Variants in DPYSL2 observed in about 807,000 individuals in gnomAD.
DPYSL2 encodes the protein dihydropyrimidinase-related protein 2.
In DPYSL2, 13 loss-of-function variants were observed where a neutral mutation model predicts 69.9. The ratio of observed to expected loss-of-function variants is 0.19; its 90% CI spans 0.12 to 0.30. The LOEUF (loss-of-function observed/expected upper bound fraction) is 0.30. Ranked by LOEUF, DPYSL2 falls within the 10% of genes least tolerant of loss-of-function variation. The pLI is 1.00. For synonymous variants in DPYSL2, 326 were observed against 359.1 expected, an observed-to-expected ratio of 0.91 and a Z score of 1.04; for missense variants, 587 against 918.9, an observed-to-expected ratio of 0.64 and a Z score of 4.67.
intron 1 of DPYSL2, among the ~76,000 whole-genome samples, chr8:26,573,123 C>T (rs757085200): frequency 6.6e-6 from 1 of 152,344 alleles, no homozygotes; most frequent in Non-Finnish European, 1.5e-5. Context: ...AAAATCTAGG[C>T]AGCTACAGCC....
chr8:26,590,786 G>A (rs1801708660), intron 3 of DPYSL2, among the ~76,000 whole-genome samples: 1 of 152,258 alleles, frequency 6.6e-6, no homozygotes, highest in South Asian at 2.1e-4. Context: ...CGGTACAGGG[G>A]AAGGATGGCG....
In DPYSL2 at chr8:26,593,782, G is replaced by T. The variant is rs562945407; in HGVS notation, c.628+9799G>T. 4.6e-5 allele frequency among the ~76,000 whole-genome samples: 7 copies of T among 152,322 alleles called. No homozygotes were observed. The South Asian group carries it at 1.0e-3, about 23-fold the overall frequency. On this transcript the variant is annotated intron_variant, in intron 3 of 13. Coordinates refer to ENST00000521913, the MANE Select transcript of DPYSL2 (RefSeq NM_001197293.3). The surrounding 1 kb of genome is among the most constrained non-coding windows in gnomAD (Gnocchi z 5.7). ...ACTGGAATGTGGACTGCTGTCCCCA[G>T]CCTGTGGCCACCTGCTGTGCTGGTT...
chr8:26,577,219 G>GCCCGCGCCCATTCCCCGC (rs1250865647), intron 1 of DPYSL2: 1 of 419,442 alleles, frequency 2.4e-6, no homozygotes, highest in African/African-American at 2.2e-5. Flanking sequence ...CCTCCCCCCG[G>GCCCGCGCCCATTCCCCGC]CCCGCGCCCA....
chr8:26,524,671 G>A (rs371763826), intron 1 of DPYSL2, among the ~76,000 whole-genome samples: 9 of 151,772 alleles, frequency 5.9e-5, no homozygotes, highest in South Asian at 2.1e-4. Context: ...GTATGGTGGC[G>A]TGTGCCTGTA....
intron 1 of DPYSL2, among the ~76,000 whole-genome samples, chr8:26,566,551 G>A (rs531852129): frequency 1.3e-5 from 2 of 152,220 alleles, no homozygotes; most frequent in South Asian, 4.2e-4. Context: ...AGGACTGAAG[G>A]GCAGGAAGGA....
chr8:26,636,272 A>G (rs565832880), intron 8 of DPYSL2, among the ~76,000 whole-genome samples: 11 of 152,368 alleles, frequency 7.2e-5, no homozygotes, highest in South Asian at 2.1e-4. Flanking sequence ...TGGGCCACCC[A>G]GACACGCATT....
At position 26,657,628 on chromosome 8, in the gene DPYSL2, C is replaced by T. The variant is rs1179631619; in HGVS notation, c.*1922C>T. On this transcript the variant is annotated 3_prime_UTR_variant, in exon 14 of 14. Transcript: ENST00000521913. ...ATATATTTGCTTTTTTTCTCACCTG[C>T]ACTTAGAGGAAATTTGAACAAGTTG... is the stretch of plus-strand genomic sequence containing the variant. 6.6e-6 allele frequency: 1 copy of T among 152,530 alleles called. No individual in the cohort carries two copies. Among genetic ancestry groups the T allele is most frequent in the African/African-American group, 2.4e-5 (1 of 41,398 alleles). The allele number at this position is 152,530 out of a possible 1,614,324, so 9.4% of individuals were successfully genotyped here. A position where few individuals can be genotyped will look rare whatever the true frequency, so the allele number is the denominator to read the frequency against.
At chr8:26,543,002 T>G (rs533250366) in intron 1 of DPYSL2, among the ~76,000 whole-genome samples, 1 of 152,306 alleles carries the variant, frequency 6.6e-6, no homozygotes, top group South Asian at 2.1e-4. Context: ...CAGCTCAATC[T>G]GTTAGAAAAA....
chr8:26,530,758 C>T (rs979619895), intron 1 of DPYSL2, among the ~76,000 whole-genome samples: 1 of 152,166 alleles, frequency 6.6e-6, no homozygotes, highest in Non-Finnish European at 1.5e-5. Context: ...TGAGTTTCAC[C>T]AGTTATAGTG....
At chr8:26,622,466 G>GTGTGTA (rs1392719033) in intron 3 of DPYSL2, among the ~76,000 whole-genome samples, 6 of 109,958 alleles carry the variant, frequency 5.5e-5, no homozygotes, top group African/African-American at 1.8e-4. Context: ...GTGTGTGTGT[G>GTGTGTA]TGTGTGTATA....
chr8:26,561,257 T>C (rs1295817211), intron 1 of DPYSL2, among the ~76,000 whole-genome samples: 1 of 152,166 alleles, frequency 6.6e-6, no homozygotes, highest in African/African-American at 2.4e-5. Flanking sequence ...TCTGCCTCTC[T>C]CTGGCCACTC....
intron 3 of DPYSL2, among the ~76,000 whole-genome samples, chr8:26,618,101 T>G (rs1046558925): frequency 2.0e-5 from 3 of 152,150 alleles, no homozygotes; most frequent in African/African-American, 7.2e-5. Context: ...CAGAGACTGC[T>G]TGTAACTTGC....
At chr8:26,634,433 T>TA (rs1802851854) in intron 7 of DPYSL2, among the ~76,000 whole-genome samples, 1 of 147,714 alleles carries the variant, frequency 6.8e-6, no homozygotes, top group Admixed American at 6.7e-5. Flanking sequence ...CCCAGCTTTT[T>TA]TTTTTTTTTT....
In DPYSL2 at chr8:26,514,793, C is replaced by T; in HGVS notation, c.354+114C>T. ...GCCCCGCCCTGGACCTCGCCTCCCG[C>T]ATCTGCACGCGCACCCCGCCCTACC... is the stretch of plus-strand genomic sequence containing the variant. On this transcript the variant is annotated intron_variant, in intron 1 of 13. Coordinates refer to ENST00000521913, the MANE Select transcript of DPYSL2 (RefSeq NM_001197293.3). The surrounding 1 kb of genome is among the most constrained non-coding windows in gnomAD (Gnocchi z 8.4). 1.1e-6 allele frequency: 1 copy of T among 948,362 alleles called. No homozygotes were observed. The highest frequency in any genetic ancestry group is 1.7e-5 in the African/African-American group (1 of 57,342). The allele number at this position is 948,362 out of a possible 1,614,324, so 58.7% of individuals were successfully genotyped here.
chr8:26,516,578 C>T lies in DPYSL2; in HGVS notation c.354+1899C>T, dbSNP rs944282509. 5.3e-5 allele frequency among the ~76,000 whole-genome samples: 8 copies of T among 152,084 alleles called. No individual in the cohort carries two copies. The highest frequency in any genetic ancestry group is 1.9e-4 in the African/African-American group (8 of 41,392). On this transcript the variant is annotated intron_variant, in intron 1 of 13. Coordinates refer to ENST00000521913, the MANE Select transcript of DPYSL2 (RefSeq NM_001197293.3). The surrounding 1 kb of genome is among the most constrained non-coding windows in gnomAD (Gnocchi z 4.8). Reference sequence around the variant, plus strand: ...TTGAATAACACTTCTTTTTTCTTGGCCATTTAGAAGCTTAGATATATGAAA... The same window carrying T: ...TTGAATAACACTTCTTTTTTCTTGGTCATTTAGAAGCTTAGATATATGAAA...
intron 3 of DPYSL2, among the ~76,000 whole-genome samples, chr8:26,623,518 C>T (rs1252670322): frequency 2.0e-5 from 3 of 152,192 alleles, no homozygotes; most frequent in Non-Finnish European, 2.9e-5. Context: ...GAAACCAACT[C>T]GGGTCAGCTT....
chr8:26,543,933 T>C (rs1215067945), intron 1 of DPYSL2, among the ~76,000 whole-genome samples: 5 of 152,228 alleles, frequency 3.3e-5, no homozygotes, highest in Non-Finnish European at 5.9e-5. Flanking sequence ...GCATGAGCCC[T>C]GTACCCAGCC....
rs1011684866 is a variant in DPYSL2, at chr8:26,535,635, AT to A, written c.354+20966del. 4.0e-3 allele frequency among the ~76,000 whole-genome samples: 584 copies of A among 145,918 alleles called. 2 individuals carry two copies. Among genetic ancestry groups the A allele is most frequent in the African/African-American group, 0.014 (525 of 37,780 alleles). ...CAGACTGATATATATATATATATAT[AT>A]TTTTTTTTTCAGTGTAGGGAGCATG... is the stretch of plus-strand genomic sequence containing the variant. On this transcript the variant is annotated intron_variant, in intron 1 of 13. Coordinates refer to ENST00000521913, the MANE Select transcript of DPYSL2 (RefSeq NM_001197293.3).
rs969941181 is a variant in DPYSL2, at chr8:26,514,144, G to A, written c.-182G>A. On this transcript the variant is annotated 5_prime_UTR_variant, in exon 1 of 14. Transcript: ENST00000521913. The surrounding 1 kb of genome is among the most constrained non-coding windows in gnomAD (Gnocchi z 8.4). ...GCAGGGAGGGGAGAAGCGGGGTCAG[G>A]GGGAGGGACCGGGAGGGTGGGTCGC... 3 of 455,988 alleles carry A rather than the reference G, an allele frequency of 6.6e-6. No homozygotes were observed. The highest frequency in any genetic ancestry group is 7.2e-5 in the East Asian group (2 of 27,696). The allele number at this position is 455,988 out of a possible 1,614,324, so 28.2% of individuals were successfully genotyped here.
Sources: gnomAD v4.1 joint callset for allele counts (sites outside exome capture counted in the v4.1 genomes callset) on GRCh38, gnomAD v4.1.1 for gene constraint, Gnocchi (gnomAD v3.1) non-coding constraint, MANE v1.5 for transcripts, NCBI Gene and HGNC (gene_info 2026-07-23, HGNC 2026-07-21) for gene names.